Variants in STARD13 observed in about 807,000 individuals in gnomAD.
STARD13 encodes stAR-related lipid transfer protein 13.
STARD13 carries 62 observed loss-of-function variants against 106.4 expected under a neutral mutation model. That is an observed-to-expected ratio of 0.58 (90% CI 0.48 to 0.72). STARD13 has a LOEUF of 0.72. Ranked by LOEUF, STARD13 falls within the 30% of genes least tolerant of loss-of-function variation. The pLI is 0.00. For synonymous variants in STARD13, 565 were observed against 553.0 expected (o/e 1.02, Z -0.31); for missense variants, 1,387 against 1,424.0 (o/e 0.97, Z 0.42).
At chr13:33,454,329 C>T in the STARD13 span, among the ~76,000 whole-genome samples, 2 of 152,214 alleles carry the variant, frequency 1.3e-5, no homozygotes, top group African/African-American at 2.4e-5. Context: ...CCTTCTCTCC[C>T]TCCTTCCATG....
the STARD13 span, among the ~76,000 whole-genome samples, chr13:33,669,862 T>C: frequency 6.6e-6 from 1 of 152,164 alleles, no homozygotes; most frequent in Non-Finnish European, 1.5e-5. Context: ...TATCCTACTC[T>C]TGTATGTCCC....
chr13:33,455,185 A>G, the STARD13 span, among the ~76,000 whole-genome samples: 1 of 152,234 alleles, frequency 6.6e-6, no homozygotes, highest in African/African-American at 2.4e-5. Flanking sequence ...TTATGGTGGA[A>G]AGGTCTGCCA....
chr13:33,282,544 A>G (rs1891842628), intron 1 of STARD13, among the ~76,000 whole-genome samples: 1 of 152,230 alleles, frequency 6.6e-6, no homozygotes, highest in African/African-American at 2.4e-5. Context: ...CACTGTTCCC[A>G]ACAACCATGA....
chr13:33,166,461 A>G (rs1883323905), intron 2 of STARD13, among the ~76,000 whole-genome samples: 1 of 151,982 alleles, frequency 6.6e-6, no homozygotes, highest in Non-Finnish European at 1.5e-5. Context: ...GTGCCACTAC[A>G]AGCCCTGGGC....
intron 1 of STARD13, among the ~76,000 whole-genome samples, chr13:33,220,664 C>G (rs1888306793): frequency 6.6e-6 from 1 of 152,126 alleles, no homozygotes; most frequent in Admixed American, 6.5e-5. Flanking sequence ...TACACTCCAG[C>G]CTGGGCAACA....
chr13:33,586,272 AC>A, the STARD13 span, among the ~76,000 whole-genome samples: 1 of 152,072 alleles, frequency 6.6e-6, no homozygotes, highest in Non-Finnish European at 1.5e-5. Context: ...TAAAACAAGA[AC>A]CTCATGATCC....
the STARD13 span, among the ~76,000 whole-genome samples, chr13:33,383,347 C>T: frequency 6.6e-6 from 1 of 151,930 alleles, no homozygotes; most frequent in South Asian, 2.1e-4. Flanking sequence ...GCAGTGAACT[C>T]CCACCTGGGC....
chr13:33,219,446 G>C (rs1185775824), intron 1 of STARD13, among the ~76,000 whole-genome samples: 1 of 147,814 alleles, frequency 6.8e-6, no homozygotes, highest in Non-Finnish European at 1.5e-5. Flanking sequence ...TCGGATGCAG[G>C]AGGTGGAGCT....
At chr13:33,511,937 G>C in the STARD13 span, among the ~76,000 whole-genome samples, 1 of 152,086 alleles carries the variant, frequency 6.6e-6, no homozygotes, top group African/African-American at 2.4e-5. Context: ...TCTTTTCACA[G>C]CTCTTATAGA....
the STARD13 span, among the ~76,000 whole-genome samples, chr13:33,501,055 A>G: frequency 3.0e-5 from 4 of 133,018 alleles, no homozygotes; most frequent in African/African-American, 1.2e-4. Context: ...GCCACATCAC[A>G]TTTCTTTCCT....
chr13:33,362,535 T>C, the STARD13 span, among the ~76,000 whole-genome samples: 1 of 152,244 alleles, frequency 6.6e-6, no homozygotes, highest in African/African-American at 2.4e-5. Flanking sequence ...TTGATACCTC[T>C]ATTTTACTTG....
chr13:33,415,151 T>G, the STARD13 span, among the ~76,000 whole-genome samples: 7 of 152,196 alleles, frequency 4.6e-5, no homozygotes, highest in Admixed American at 2.0e-4. Flanking sequence ...GGCGGATCAC[T>G]AGGTCAGGAG....
the STARD13 span, among the ~76,000 whole-genome samples, chr13:33,658,562 G>C: frequency 6.6e-6 from 1 of 152,188 alleles, no homozygotes; most frequent in East Asian, 1.9e-4. Flanking sequence ...TCTTAGTCTG[G>C]AGTATCTTTT....
chr13:33,285,209 A>G (rs890303057), intron 1 of STARD13, among the ~76,000 whole-genome samples: 22 of 152,164 alleles, frequency 1.4e-4, no homozygotes, highest in African/African-American at 5.3e-4. Context: ...TTCTGTAGAC[A>G]CACGTCAGTT....
chr13:33,596,854 AATG>A, the STARD13 span, among the ~76,000 whole-genome samples: 1 of 152,212 alleles, frequency 6.6e-6, no homozygotes, highest in Middle Eastern at 3.2e-3. Context: ...ATGTTCCTGC[AATG>A]ATAAGATTTC....
At chr13:33,359,843 C>T in the STARD13 span, among the ~76,000 whole-genome samples, 2 of 152,148 alleles carry the variant, frequency 1.3e-5, no homozygotes, top group Admixed American at 6.5e-5. Context: ...AATGTCTTCT[C>T]CATCAGCAAT....
Position 33,195,677 on chromosome 13 carries a change from G to A in STARD13, c.170-28055C>T, listed in dbSNP as rs74722378. ...AGATCTGAAAATTCATTATTTTCTA[G>A]GACTTAGTTCTTTAGACACAAGAAC... is the stretch of plus-strand genomic sequence containing the variant. On this transcript the variant is annotated intron_variant, in intron 1 of 13. Coordinates refer to ENST00000336934, the MANE Select transcript of STARD13 (RefSeq NM_178006.4). Among the ~76,000 whole-genome samples the A allele has an allele frequency of 8.3e-3, 1,260 of 152,238 alleles. 23 individuals are homozygous for A. Among genetic ancestry groups the A allele is most frequent in the African/African-American group, 0.029 (1,206 of 41,522 alleles).
At chr13:33,218,461 A>G (rs557512993) in intron 1 of STARD13, among the ~76,000 whole-genome samples, 97 of 152,118 alleles carry the variant, frequency 6.4e-4, no homozygotes, top group Non-Finnish European at 1.1e-3. Context: ...AATAAACCCT[A>G]TGTCTCATTT....
intron 1 of STARD13, among the ~76,000 whole-genome samples, chr13:33,284,863 G>A (rs566109045): frequency 5.9e-5 from 9 of 152,248 alleles, no homozygotes; most frequent in Non-Finnish European, 2.9e-5. Context: ...GGAAGCTGGA[G>A]TTTTGTGTGC....
Sources: allele counts gnomAD v4.1 joint callset (sites outside exome capture counted in the v4.1 genomes callset), GRCh38; gene constraint gnomAD v4.1.1; transcripts MANE v1.5; gene names NCBI Gene and HGNC (gene_info 2026-07-23, HGNC 2026-07-21).